The following LRRC37A2 variants were observed in gnomAD, a reference collection of about 807,000 sequenced individuals.
The protein encoded by LRRC37A2 is leucine rich repeat containing 37 member A2.
Under a neutral mutation model 68.8 loss-of-function variants are expected in LRRC37A2, and 9 were observed. The observed-to-expected ratio is 0.13, with a 90% CI of 0.08 to 0.23. The LOEUF (loss-of-function observed/expected upper bound fraction) is 0.23, where lower values mean the gene tolerates loss of function less well. Among genes scored for constraint, LRRC37A2 ranks in the 10% least tolerant of loss-of-function variants. The pLI, the probability that LRRC37A2 is intolerant of heterozygous loss-of-function variation, is 1.00. For synonymous variants in LRRC37A2, 63 were observed against 367.6 expected, an observed-to-expected ratio of 0.17 and a Z score of 9.48; for missense variants, 168 against 950.4, an observed-to-expected ratio of 0.18 and a Z score of 10.82.
the LRRC37A2 span, chr17:46,940,549 C>T: frequency 6.2e-7 from 1 of 1,614,072 alleles, no homozygotes; most frequent in Admixed American, 1.7e-5. Context: ...CTGTCCTGTC[C>T]CCCAGGCACC....
the LRRC37A2 span, among the ~76,000 whole-genome samples, chr17:46,946,128 G>A: frequency 6.6e-6 from 1 of 151,898 alleles, no homozygotes; most frequent in African/African-American, 2.4e-5. Flanking sequence ...TCACTTGGAG[G>A]AAACCACATT....
At chr17:46,794,756 T>C in the LRRC37A2 span, among the ~76,000 whole-genome samples, 11 of 148,774 alleles carry the variant, frequency 7.4e-5, no homozygotes, top group East Asian at 3.9e-4. Flanking sequence ...CTTTTTCTTT[T>C]TTTTTTTTTT....
At chr17:46,873,879 C>T in the LRRC37A2 span, among the ~76,000 whole-genome samples, 1 of 151,458 alleles carries the variant, frequency 6.6e-6, no homozygotes, top group East Asian at 1.9e-4. Context: ...ATCCCAGCTA[C>T]TTGGGAGGCT....
chr17:46,488,793 G>A, the LRRC37A2 span, among the ~76,000 whole-genome samples: 136 of 123,524 alleles, frequency 1.1e-3, 2 homozygotes, highest in Non-Finnish European at 1.3e-3. Context: ...ACTGGTCCCC[G>A]ATGCCACAAA....
At chr17:46,767,818 T>G in the LRRC37A2 span, among the ~76,000 whole-genome samples, 1 of 152,200 alleles carries the variant, frequency 6.6e-6, no homozygotes, top group Non-Finnish European at 1.5e-5. Flanking sequence ...GGAGTCTCAC[T>G]CTGTCGCCCA....
chr17:46,800,581 C>A, the LRRC37A2 span, among the ~76,000 whole-genome samples: 1 of 152,160 alleles, frequency 6.6e-6, no homozygotes, highest in Non-Finnish European at 1.5e-5. Context: ...GGAAAATACA[C>A]AACAAGTACC....
chr17:46,978,578 G>A, the LRRC37A2 span: 4 of 1,516,796 alleles, frequency 2.6e-6, no homozygotes, highest in Middle Eastern at 1.9e-4. Flanking sequence ...GCAGAGAGCG[G>A]GGCGAGGGTC....
the LRRC37A2 span, among the ~76,000 whole-genome samples, chr17:46,779,103 A>ACACACACACACACCCC: frequency 4.0e-4 from 54 of 133,658 alleles, 1 homozygote; most frequent in East Asian, 6.4e-3. Flanking sequence ...ACACACACAC[A>ACACACACACACACCCC]CCCCAGCCCA....
chr17:46,479,601 G>A, the LRRC37A2 span, among the ~76,000 whole-genome samples: 1 of 101,718 alleles, frequency 9.8e-6, no homozygotes, highest in East Asian at 2.5e-4. Flanking sequence ...TCTGCCTCCT[G>A]GGTTCAAGTG....
chr17:46,818,700 G>T, the LRRC37A2 span: 1 of 1,193,044 alleles, frequency 8.4e-7, no homozygotes, highest in Non-Finnish European at 1.2e-6. Flanking sequence ...AATGACTTTC[G>T]GGCTTGTCAG....
the LRRC37A2 span, among the ~76,000 whole-genome samples, chr17:46,848,267 G>A: frequency 6.6e-6 from 1 of 152,168 alleles, no homozygotes; most frequent in African/African-American, 2.4e-5. Flanking sequence ...GCCCAGGAAG[G>A]AGTGCTTCCG....
the LRRC37A2 span, among the ~76,000 whole-genome samples, chr17:46,805,185 C>A: frequency 6.6e-6 from 1 of 152,032 alleles, no homozygotes; most frequent in Non-Finnish European, 1.5e-5. Context: ...GAACCCTACC[C>A]CTGGAATCCC....
the LRRC37A2 span, chr17:46,923,892 C>G: frequency 2.5e-6 from 1 of 398,270 alleles, no homozygotes; most frequent in East Asian, 3.6e-5. Context: ...GCCATACTTA[C>G]CCTATTTTTG....
At chr17:47,033,509 G>A in the LRRC37A2 span, 1 of 624,686 alleles carries the variant, frequency 1.6e-6, no homozygotes, top group Non-Finnish European at 2.8e-6. Flanking sequence ...AGTTTTCCCT[G>A]ACAGCCTTGG....
chr17:46,729,157 G>C, the LRRC37A2 span, among the ~76,000 whole-genome samples: 3 of 151,992 alleles, frequency 2.0e-5, no homozygotes, highest in East Asian at 5.8e-4. Context: ...CACAGTTTCT[G>C]TGTGGAATAC....
chr17:46,799,191 T>C, the LRRC37A2 span, among the ~76,000 whole-genome samples: 3 of 152,162 alleles, frequency 2.0e-5, no homozygotes, highest in Admixed American at 6.5e-5. Context: ...TTGCCTTTTG[T>C]CCACCAAGTC....
At chr17:46,774,622 C>T in the LRRC37A2 span, among the ~76,000 whole-genome samples, 1 of 152,206 alleles carries the variant, frequency 6.6e-6, no homozygotes, top group African/African-American at 2.4e-5. Context: ...GATCTCACTG[C>T]CCACACCCAA....
chr17:46,981,638 C>T, the LRRC37A2 span, among the ~76,000 whole-genome samples: 19 of 152,184 alleles, frequency 1.2e-4, no homozygotes, highest in Non-Finnish European at 1.9e-4. Context: ...CCATACCCAT[C>T]CTGATACTCA....
chr17:46,944,664 A>G, the LRRC37A2 span, among the ~76,000 whole-genome samples: 2 of 150,652 alleles, frequency 1.3e-5, no homozygotes, highest in Admixed American at 6.6e-5. Context: ...CAATGGTGCA[A>G]TCTCGGCTCA....
Sources: gnomAD v4.1 joint callset for allele counts (sites outside exome capture counted in the v4.1 genomes callset) on GRCh38, gnomAD v4.1.1 for gene constraint, MANE v1.5 for transcripts, NCBI Gene and HGNC (gene_info 2026-07-23, HGNC 2026-07-21) for gene names.